Variants in HIVEP2 observed in about 807,000 individuals in gnomAD.
The protein encoded by HIVEP2 is transcription factor HIVEP2.
Under a neutral mutation model 180.7 loss-of-function variants are expected in HIVEP2, and 14 were observed. The observed-to-expected ratio is 0.08, with a 90% CI of 0.05 to 0.12. The LOEUF (loss-of-function observed/expected upper bound fraction) is 0.12. HIVEP2 is among the 10% of genes least tolerant of loss of function. HIVEP2 has a pLI of 1.00. For synonymous variants in HIVEP2, 1,184 were observed against 1,136.4 expected, an observed-to-expected ratio of 1.04 and a Z score of -0.84; for missense variants, 2,579 against 3,008.5, an observed-to-expected ratio of 0.86 and a Z score of 3.34.
intron 1 of HIVEP2, among the ~76,000 whole-genome samples, chr6:142,899,414 T>C (rs1777075525): frequency 6.6e-6 from 1 of 152,184 alleles, no homozygotes; most frequent in Non-Finnish European, 1.5e-5. Flanking sequence ...TCATAATGTA[T>C]TGCAGTTTTT....
At chr6:142,805,411 C>G (rs754204889) in intron 2 of HIVEP2, among the ~76,000 whole-genome samples, 15 of 147,632 alleles carry the variant, frequency 1.0e-4, no homozygotes, top group Non-Finnish European at 1.0e-4. Flanking sequence ...TAAGCCAGAT[C>G]CCAACACTGC....
chr6:142,781,439 G>A (rs1297685171), intron 3 of HIVEP2, among the ~76,000 whole-genome samples: 1 of 152,098 alleles, frequency 6.6e-6, no homozygotes, highest in Non-Finnish European at 1.5e-5. Context: ...GGTTTTAAGT[G>A]CTATGAAAGG....
intron 2 of HIVEP2, among the ~76,000 whole-genome samples, chr6:142,836,612 T>C (rs565075807): frequency 2.0e-5 from 3 of 152,274 alleles, no homozygotes; most frequent in Non-Finnish European, 4.4e-5. Context: ...ATAAAAACCT[T>C]ATTCAAAGTA....
chr6:142,854,860 G>A (rs1350374250), intron 1 of HIVEP2, among the ~76,000 whole-genome samples: 1 of 152,068 alleles, frequency 6.6e-6, no homozygotes, highest in Non-Finnish European at 1.5e-5. Context: ...TCTCCCCCAG[G>A]GAAAAGTCCT....
In HIVEP2 at chr6:142,753,103, T is replaced by G; in HGVS notation, c.*4A>C. 1.3e-6 allele frequency: 2 copies of G among 1,534,190 alleles called. No individual in the cohort carries two copies. The highest frequency in any genetic ancestry group is 2.2e-5 in the South Asian group (2 of 89,486). On this transcript the variant is annotated 3_prime_UTR_variant, in exon 10 of 10. Coordinates refer to ENST00000367603, the MANE Select transcript of HIVEP2 (RefSeq NM_006734.4). ...TGGAAATGAAAGTCTCCATGCATCA[T>G]AGATCAATGTAGCTGACTCTTTTCT... is the stretch of plus-strand genomic sequence containing the variant.
chr6:142,785,309 CAAAAAAAAAAAAAAAAAA>C lies in HIVEP2; in HGVS notation c.-527-1712_-527-1695del, dbSNP rs57458259. Among the ~76,000 whole-genome samples the C allele has an allele frequency of 2.4e-4, 16 of 65,394 alleles. No individual in the cohort carries two copies. In the East Asian group the frequency reaches 2.6e-3, roughly 11 times the overall value. 42.9% of individuals were successfully genotyped at this position (65,394 alleles called of 152,430 possible). On this transcript the variant is annotated intron_variant, in intron 2 of 9. Coordinates refer to ENST00000367603, the MANE Select transcript of HIVEP2 (RefSeq NM_006734.4). ...GGCTAAAGTAAAGCATGGCATTCCTCAAAAAAAAAAAAAAAAAAAAAAAAAAAAAAAAAAAAAGAAGAA... is the reference window on the plus strand; with the variant it reads ...GGCTAAAGTAAAGCATGGCATTCCTCAAAAAAAAAAAAAAAAAAAGAAGAA...
At chr6:142,824,676 AG>A (rs1774821212) in intron 2 of HIVEP2, among the ~76,000 whole-genome samples, 1 of 152,218 alleles carries the variant, frequency 6.6e-6, no homozygotes, top group Admixed American at 6.5e-5. Context: ...AATACCTCGT[AG>A]CCGTGTAACA....
chr6:142,887,582 T>C (rs1377435822), intron 1 of HIVEP2, among the ~76,000 whole-genome samples: 2 of 152,198 alleles, frequency 1.3e-5, no homozygotes, highest in South Asian at 4.1e-4. Flanking sequence ...AGATCACCGA[T>C]TGAATCCCAT....
intron 7 of HIVEP2, among the ~76,000 whole-genome samples, chr6:142,764,501 A>G (rs1237135564): frequency 6.6e-6 from 1 of 152,208 alleles, no homozygotes; most frequent in Admixed American, 6.5e-5. Flanking sequence ...AATATTATCT[A>G]GACCACATAA....
intron 2 of HIVEP2, among the ~76,000 whole-genome samples, chr6:142,793,671 C>CT (rs1491378798): frequency 8.1e-6 from 1 of 123,410 alleles, no homozygotes; most frequent in African/African-American, 3.2e-5. Context: ...TTCTTTCTTT[C>CT]TTTCTCTCTC....
chr6:142,769,249 A>G (rs1775456837), intron 5 of HIVEP2, among the ~76,000 whole-genome samples: 1 of 152,214 alleles, frequency 6.6e-6, no homozygotes. Flanking sequence ...CACAAAGGTC[A>G]GAAGGAAAAT....
rs148930553 is a variant in HIVEP2, at chr6:142,876,909, C to A, written c.-640-39862G>T. ...ACACAAAATGCAAACATTAGTTGAG[C>A]GTGGTGGCATGGGCCTATAGTCGCA... On this transcript the variant is annotated intron_variant, in intron 1 of 9. Coordinates refer to ENST00000367603, the MANE Select transcript of HIVEP2 (RefSeq NM_006734.4). Among the ~76,000 whole-genome samples, 17 of 151,986 alleles carry A rather than the reference C, an allele frequency of 1.1e-4. 1 individual carries two copies. The East Asian group carries it at 3.3e-3, about 29-fold the overall frequency.
At chr6:142,889,689 G>A (rs1427245413) in intron 1 of HIVEP2, among the ~76,000 whole-genome samples, 1 of 152,154 alleles carries the variant, frequency 6.6e-6, no homozygotes, top group Admixed American at 6.5e-5. Flanking sequence ...TCCTACAATA[G>A]CTGGCACCTA....
chr6:142,754,922 T>G (rs948736061), intron 9 of HIVEP2, among the ~76,000 whole-genome samples: 2 of 152,234 alleles, frequency 1.3e-5, no homozygotes, highest in Non-Finnish European at 2.9e-5. Flanking sequence ...TATTATCATA[T>G]TTTAATTAAT....
chr6:142,906,468 C>T (rs780207376), intron 1 of HIVEP2, among the ~76,000 whole-genome samples: 1 of 151,932 alleles, frequency 6.6e-6, no homozygotes, highest in Non-Finnish European at 1.5e-5. Flanking sequence ...AAAGAAACCT[C>T]TTTAATTATT....
In HIVEP2 at chr6:142,761,419, T is replaced by A. The variant is rs770285203; in HGVS notation, c.5620+45A>T. On this transcript the variant is annotated intron_variant, in intron 8 of 9. Coordinates refer to ENST00000367603, the MANE Select transcript of HIVEP2 (RefSeq NM_006734.4). ...TACTACCTCAGCCACAGAGCTCCACTGTGCATAATGAAGAGGTCTGTCAAC... is the reference window on the plus strand; with the variant it reads ...TACTACCTCAGCCACAGAGCTCCACAGTGCATAATGAAGAGGTCTGTCAAC... The A allele has an allele frequency of 1.1e-5, 10 of 928,360 alleles. No individual in the cohort carries two copies. The South Asian group carries it at 1.2e-4, about 11-fold the overall frequency. 57.5% of individuals were successfully genotyped at this position (928,360 alleles called of 1,614,324 possible). A position where few individuals can be genotyped will look rare whatever the true frequency, so the allele number is the denominator to read the frequency against.
In HIVEP2 at chr6:142,773,429, G is replaced by C; in HGVS notation, c.1310C>G (p.Ala437Gly). ...CTGACTTGTGGTTGTAACACTGAGT[G>C]CATTTCTCGGACTAAGCCGACAGTA... is the stretch of plus-strand genomic sequence containing the variant. ...GKYCRLSPRN[A>G]LSVTTTSQER... The change falls in exon 5 of 10, where the codon GCA (alanine) becomes GGA (glycine). Residue 437 changes from alanine to glycine, a missense_variant. Physicochemically the swap from Ala to Gly is moderately conservative, Grantham distance 60 (BLOSUM62 0). Transcript: ENST00000367603. 6.2e-7 allele frequency: 1 copy of C among 1,614,164 alleles called. No individual in the cohort carries two copies. Among genetic ancestry groups the C allele is most frequent in the South Asian group, 1.1e-5 (1 of 91,080 alleles).
chr6:142,772,943 G>A lies in HIVEP2; in HGVS notation c.1796C>T (p.Pro599Leu), dbSNP rs779654928. The A allele has an allele frequency of 1.2e-6, 2 of 1,614,172 alleles. No homozygotes were observed. Among genetic ancestry groups the A allele is most frequent in the Non-Finnish European group, 1.7e-6 (2 of 1,180,034 alleles). Reference protein sequence around the residue: ...MLRRQAAFELPSVQEGHVEVE... With the variant: ...MLRRQAAFELLSVQEGHVEVE... ...TTCCACGTGGCCCTCCTGTACCGAAGGCAGCTCAAATGCCGCTTGTCTTCT... is the reference window on the plus strand; with the variant it reads ...TTCCACGTGGCCCTCCTGTACCGAAAGCAGCTCAAATGCCGCTTGTCTTCT... Residue 599 changes from proline to leucine, a missense_variant, in exon 5 of 10, where the codon CCT becomes CTT. Physicochemically the swap from Pro to Leu is moderately conservative, Grantham distance 98. Transcript: ENST00000367603. This position sits in a 1 kb window ranked among gnomAD's most constrained non-coding sequence, Gnocchi z 4.9.
intron 1 of HIVEP2, among the ~76,000 whole-genome samples, chr6:142,837,868 G>T (rs1169184286): frequency 6.6e-6 from 1 of 151,980 alleles, no homozygotes; most frequent in East Asian, 1.9e-4. Flanking sequence ...CCCAAATTAG[G>T]TCTTCCCAAG....
Sources: gnomAD v4.1 joint callset for allele counts (sites outside exome capture counted in the v4.1 genomes callset) on GRCh38, gnomAD v4.1.1 for gene constraint, Gnocchi (gnomAD v3.1) non-coding constraint, MANE v1.5 for transcripts, NCBI Gene and HGNC (gene_info 2026-07-23, HGNC 2026-07-21) for gene names.